Variants in COBLL1 observed in about 807,000 individuals in gnomAD.
The protein encoded by COBLL1 is cordon-bleu protein-like 1.
Under a neutral mutation model 94.8 loss-of-function variants are expected in COBLL1, and 50 were observed. That is an observed-to-expected ratio of 0.53 (90% CI 0.42 to 0.67). The LOEUF is 0.67. COBLL1 is among the 30% of genes least tolerant of loss of function. The pLI, the probability that COBLL1 is intolerant of heterozygous loss-of-function variation, is 0.00. For synonymous variants in COBLL1, 448 were observed against 473.8 expected (o/e 0.95, Z 0.71); for missense variants, 1,362 against 1,348.7 (o/e 1.01, Z -0.15).
At chr2:164,795,855 T>A (rs1053909301) in intron 2 of COBLL1, among the ~76,000 whole-genome samples, 5 of 152,174 alleles carry the variant, frequency 3.3e-5, no homozygotes, top group Admixed American at 1.3e-4. Flanking sequence ...GACTAAAAAA[T>A]TATGATTCTT....
At chr2:164,773,166 G>A (rs1342602149) in intron 2 of COBLL1, among the ~76,000 whole-genome samples, 1 of 120,138 alleles carries the variant, frequency 8.3e-6, no homozygotes, top group Non-Finnish European at 1.8e-5. Context: ...ATTCTAGTTT[G>A]AATTTCTGTC....
In COBLL1 at chr2:164,695,359, C is replaced by A; in HGVS notation, c.2033G>T (p.Cys678Phe). 1.2e-6 allele frequency: 2 copies of A among 1,613,916 alleles called. No individual in the cohort carries two copies. The highest frequency in any genetic ancestry group is 2.2e-5 in the East Asian group (1 of 44,854). The change falls in exon 12 of 14, where the codon TGT becomes TTT. Residue 678 changes from cysteine (C) to phenylalanine (F), a missense_variant. Physicochemically the swap from Cys to Phe is radical, Grantham distance 205 (BLOSUM62 -2). Coordinates refer to ENST00000652658, the MANE Select transcript of COBLL1 (RefSeq NM_001365672.2). ...CAAAAGATCATCATTACCATGTGCA[C>A]AAATTGGATCTTTTACGGTAAGCGG... ...EDPLTVKDPI[C>F]AHGNDDLLPP...
chr2:164,743,839 A>C lies in COBLL1; in HGVS notation c.78T>G (p.Ala26=). 2 of 1,585,046 alleles carry C rather than the reference A, an allele frequency of 1.3e-6. No individual in the cohort carries two copies. The highest frequency in any genetic ancestry group is 1.3e-5 in the African/African-American group (1 of 74,376). ...AAGAGACATCAGTATATTTGGTCTC[A>C]GCTGGAGGAAGTGGTGCCTTGGCTT... The part of the protein sequence containing the change: ...KPKAKAPLPP[A]ETKYTDVSSA... Residue 26 remains alanine (A), a synonymous_variant, in exon 3 of 14, where the codon GCT becomes GCG. Coordinates refer to ENST00000652658, the MANE Select transcript of COBLL1 (RefSeq NM_001365672.2).
At chr2:164,731,355 T>G (rs757546192) in intron 3 of COBLL1, among the ~76,000 whole-genome samples, 3 of 152,238 alleles carry the variant, frequency 2.0e-5, no homozygotes, top group Non-Finnish European at 2.9e-5. Context: ...ATAGAAACTT[T>G]CATACCCAAC....
At chr2:164,808,148 G>A (rs1234282891) in intron 2 of COBLL1, among the ~76,000 whole-genome samples, 1 of 152,018 alleles carries the variant, frequency 6.6e-6, no homozygotes, top group African/African-American at 2.4e-5. Context: ...ATATCTTTGG[G>A]TCCAAGAATG....
At chr2:164,772,525 A>G (rs1213426318) in intron 2 of COBLL1, among the ~76,000 whole-genome samples, 1 of 152,034 alleles carries the variant, frequency 6.6e-6, no homozygotes, top group African/African-American at 2.4e-5. Flanking sequence ...TTCATTCTGT[A>G]AAGGTTTTCA....
chr2:164,823,521 A>G (rs1403335524), intron 2 of COBLL1, among the ~76,000 whole-genome samples: 1 of 152,166 alleles, frequency 6.6e-6, no homozygotes, highest in Non-Finnish European at 1.5e-5. Flanking sequence ...TAATAACCAG[A>G]ACTCCTCATG....
At chr2:164,757,570 CCTCT>C (rs146386697) in intron 2 of COBLL1, among the ~76,000 whole-genome samples, 16,109 of 152,108 alleles carry the variant, frequency 0.11, 884 homozygotes, top group Middle Eastern at 0.16. Context: ...TACACACACA[CCTCT>C]CTCTGTCTGG....
rs1683849360 is a variant in COBLL1 at position 164,695,121 on chromosome 2, A to T, written c.2271T>A (p.Asp757Glu). The T allele has an allele frequency of 6.2e-7, 1 of 1,613,732 alleles. No homozygotes were observed. Among genetic ancestry groups the T allele is most frequent in the Non-Finnish European group, 8.5e-7 (1 of 1,179,922 alleles). ...DWQSETIEYKDDQDMHALGKK... is the reference protein window; with the variant it reads ...DWQSETIEYKEDQDMHALGKK... Reference sequence around the variant, plus strand: ...TCCCTAAAGCATGCATGTCCTGATCATCTTTATACTCTATGGTTTCTGATT... The same window carrying T: ...TCCCTAAAGCATGCATGTCCTGATCTTCTTTATACTCTATGGTTTCTGATT... Residue 757 changes from aspartate to glutamate, a missense_variant, in exon 12 of 14, where the codon GAT (aspartate) becomes GAA (glutamate). Coordinates refer to ENST00000652658, the MANE Select transcript of COBLL1 (RefSeq NM_001365672.2).
At chr2:164,817,792 G>A (rs1336112038) in intron 2 of COBLL1, among the ~76,000 whole-genome samples, 1 of 152,066 alleles carries the variant, frequency 6.6e-6, no homozygotes, top group Non-Finnish European at 1.5e-5. Flanking sequence ...AGCCATGCTT[G>A]TTTTTCCTTT....
At chr2:164,729,789 G>A in intron 4 of COBLL1, 125 bp downstream of exon 4, 1 of 795,706 alleles carries the variant, frequency 1.3e-6, no homozygotes, top group Non-Finnish European at 2.0e-6. Flanking sequence ...TAAACAAAGT[G>A]CCTAGAAAAA....
chr2:164,806,690 T>C (rs1240244287), intron 2 of COBLL1, among the ~76,000 whole-genome samples: 2 of 152,104 alleles, frequency 1.3e-5, no homozygotes, highest in African/African-American at 4.8e-5. Flanking sequence ...TAATTCTTGA[T>C]TCAATTTATT....
intron 2 of COBLL1, among the ~76,000 whole-genome samples, chr2:164,832,911 C>T (rs1252853394): frequency 6.6e-6 from 1 of 152,018 alleles, no homozygotes; most frequent in Admixed American, 6.6e-5. Context: ...GGTATGGTGG[C>T]GCATGCCTGT....
At position 164,743,828 on chromosome 2, in the gene COBLL1, T is replaced by C. The variant is rs1356360564; in HGVS notation, c.89A>G (p.Tyr30Cys). ...KAPLPPAETKYTDVSSAADSV... is the reference protein window; with the variant it reads ...KAPLPPAETKCTDVSSAADSV... Reference sequence around the variant, plus strand: ...ATCAGCAGCTGAAGAGACATCAGTATATTTGGTCTCAGCTGGAGGAAGTGG... The same window carrying C: ...ATCAGCAGCTGAAGAGACATCAGTACATTTGGTCTCAGCTGGAGGAAGTGG... The change falls in exon 3 of 14, where the codon TAT becomes TGT. Residue 30 changes from tyrosine (Y) to cysteine (C), a missense_variant. Physicochemically the swap from Tyr to Cys is radical, Grantham distance 194. Coordinates refer to ENST00000652658, the MANE Select transcript of COBLL1 (RefSeq NM_001365672.2). 2 of 1,610,310 alleles carry C rather than the reference T, an allele frequency of 1.2e-6. No homozygotes were observed. The highest frequency in any genetic ancestry group is 8.5e-7 in the Non-Finnish European group (1 of 1,177,426).
chr2:164,673,782 T>C (rs1691287710), intron 1 of COBLL1, among the ~76,000 whole-genome samples: 1 of 152,224 alleles, frequency 6.6e-6, no homozygotes, highest in South Asian at 2.1e-4. Flanking sequence ...TGTGCTTATA[T>C]ATTTGTGTAT....
chr2:164,827,762 A>G (rs1246825106), intron 2 of COBLL1, among the ~76,000 whole-genome samples: 1 of 152,242 alleles, frequency 6.6e-6, no homozygotes, highest in African/African-American at 2.4e-5. Flanking sequence ...TGTTCTATAA[A>G]TAAAATAGCA....
At chr2:164,798,482 C>G (rs1242922456) in intron 2 of COBLL1, among the ~76,000 whole-genome samples, 3 of 151,884 alleles carry the variant, frequency 2.0e-5, no homozygotes, top group African/African-American at 7.3e-5. Context: ...ACTATTCAAG[C>G]CAAAAAAGGT....
intron 2 of COBLL1, among the ~76,000 whole-genome samples, chr2:164,754,892 G>A (rs769747263): frequency 2.0e-5 from 3 of 152,054 alleles, no homozygotes; most frequent in Non-Finnish European, 4.4e-5. Flanking sequence ...ACAGGTTTCC[G>A]GCTGGGTGCA....
chr2:164,692,735 A>T (rs1683684289), intron 12 of COBLL1: 1 of 164,970 alleles, frequency 6.1e-6, no homozygotes. Flanking sequence ...TTAAGATTTT[A>T]AAAAATACTG....
Sources: gnomAD v4.1 joint callset for allele counts (sites outside exome capture counted in the v4.1 genomes callset) on GRCh38, gnomAD v4.1.1 for gene constraint, MANE v1.5 for transcripts, NCBI Gene and HGNC (gene_info 2026-07-23, HGNC 2026-07-21) for gene names.